Variants in TMEM38B observed in about 807,000 individuals in gnomAD.
TMEM38B encodes the protein trimeric intracellular cation channel type B.
Under a neutral mutation model 28.7 loss-of-function variants are expected in TMEM38B, and 24 were observed. That is an observed-to-expected ratio of 0.84 (90% CI 0.61 to 1.18). TMEM38B has a LOEUF of 1.18. TMEM38B is among the 50% of genes most tolerant of loss of function. The pLI is 0.00. For synonymous variants in TMEM38B, 131 were observed against 127.7 expected, an observed-to-expected ratio of 1.03 and a Z score of -0.17; for missense variants, 380 against 350.9, an observed-to-expected ratio of 1.08 and a Z score of -0.66.
At chr9:105,729,986 A>G (rs939154966) in intron 4 of TMEM38B, among the ~76,000 whole-genome samples, 16 of 152,178 alleles carry the variant, frequency 1.1e-4, no homozygotes, top group Admixed American at 3.3e-4. Flanking sequence ...GGCTGAGACG[A>G]TGGGGTTTTC....
At chr9:105,713,789 C>T (rs1355949139) in intron 2 of TMEM38B, among the ~76,000 whole-genome samples, 1 of 152,198 alleles carries the variant, frequency 6.6e-6, no homozygotes, top group Admixed American at 6.5e-5. Context: ...CATGGCTTCC[C>T]ATGGCTGCTC....
chr9:105,730,032 A>G (rs546238384), intron 4 of TMEM38B, among the ~76,000 whole-genome samples: 21 of 152,184 alleles, frequency 1.4e-4, no homozygotes, highest in Non-Finnish European at 1.6e-4. Flanking sequence ...AACAGAGACA[A>G]TTTGAATTCC....
At chr9:105,746,292 C>T (rs1313463274) in intron 4 of TMEM38B, among the ~76,000 whole-genome samples, 7 of 152,298 alleles carry the variant, frequency 4.6e-5, no homozygotes, top group Non-Finnish European at 5.9e-5. Context: ...AGGTCCTTCA[C>T]ATCCCTTATA....
intron 5 of TMEM38B, among the ~76,000 whole-genome samples, chr9:105,764,705 CTT>C (rs1341979440): frequency 6.6e-6 from 1 of 151,282 alleles, no homozygotes; most frequent in Non-Finnish European, 1.5e-5. Flanking sequence ...CTACCAATGA[CTT>C]TCTTCACAGA....
rs201869238 is a variant in TMEM38B at position 105,768,567 on chromosome 9, TAAC to T, written c.661-5295_661-5293del. Among the ~76,000 whole-genome samples the T allele has an allele frequency of 9.3e-3, 1,419 of 152,262 alleles. 15 individuals carry two copies. The highest frequency in any genetic ancestry group is 0.032 in the African/African-American group (1,326 of 41,550). On this transcript the variant is annotated intron_variant, in intron 5 of 5. Coordinates refer to ENST00000374692, the MANE Select transcript of TMEM38B (RefSeq NM_018112.3). The stretch of plus-strand genomic sequence containing the variant: ...ATTTTCTTTAAAGGAAGGTTTTTGA[TAAC>T]AATTTCTTACATAGATATAGGGCTA...
chr9:105,728,442 A>G (rs1011564068), intron 4 of TMEM38B, among the ~76,000 whole-genome samples: 28 of 152,298 alleles, frequency 1.8e-4, no homozygotes, highest in African/African-American at 6.5e-4. Context: ...TTATGGCTGC[A>G]TAATATTCCA....
intron 1 of TMEM38B, among the ~76,000 whole-genome samples, chr9:105,697,841 A>G (rs546644475): frequency 1.0e-3 from 155 of 152,256 alleles, no homozygotes; most frequent in African/African-American, 3.5e-3. Context: ...TCTCAGGCCT[A>G]AGGTTATAAA....
chr9:105,716,717 CTT>C (rs1836113291), intron 2 of TMEM38B, among the ~76,000 whole-genome samples: 1 of 152,080 alleles, frequency 6.6e-6, no homozygotes, highest in East Asian at 1.9e-4. Flanking sequence ...TCAGCCTACT[CTT>C]TGTGAAGATG....
intron 2 of TMEM38B, among the ~76,000 whole-genome samples, chr9:105,707,902 T>G (rs1051551405): frequency 6.6e-6 from 1 of 152,232 alleles, no homozygotes; most frequent in Non-Finnish European, 1.5e-5. Flanking sequence ...CAAAGACTTT[T>G]ATTTCTATAA....
chr9:105,736,775 C>T (rs139009283), intron 4 of TMEM38B, among the ~76,000 whole-genome samples: 477 of 152,328 alleles, frequency 3.1e-3, no homozygotes, highest in South Asian at 5.6e-3. Flanking sequence ...AAGGCTTTCA[C>T]CTGTGTGTAC....
At chr9:105,717,645 A>T (rs1165745404) in intron 2 of TMEM38B, among the ~76,000 whole-genome samples, 1 of 136,416 alleles carries the variant, frequency 7.3e-6, no homozygotes, top group Admixed American at 7.4e-5. Flanking sequence ...GGATATAAAC[A>T]TATGCTAAAA....
chr9:105,753,380 C>T (rs899300449), intron 5 of TMEM38B, among the ~76,000 whole-genome samples: 2 of 151,656 alleles, frequency 1.3e-5, no homozygotes, highest in African/African-American at 2.4e-5. Flanking sequence ...TCTCCAAGGT[C>T]GAAATGAAAG....
chr9:105,756,455 T>TC (rs1223835755), intron 5 of TMEM38B, among the ~76,000 whole-genome samples: 1 of 152,196 alleles, frequency 6.6e-6, no homozygotes, highest in Non-Finnish European at 1.5e-5. Flanking sequence ...TTTCTTCTAC[T>TC]CCTAGTTTGC....
chr9:105,766,055 C>A (rs1233966367), intron 5 of TMEM38B, among the ~76,000 whole-genome samples: 1 of 152,194 alleles, frequency 6.6e-6, no homozygotes, highest in Non-Finnish European at 1.5e-5. Context: ...CCTGCCTCGG[C>A]CTCCCAGTGC....
intron 5 of TMEM38B, chr9:105,758,656 C>A: frequency 1.3e-6 from 1 of 787,818 alleles, no homozygotes; most frequent in Non-Finnish European, 2.3e-6. Flanking sequence ...GCAACTTAGC[C>A]ATTTAAAACT....
chr9:105,733,258 C>T (rs573848302), intron 4 of TMEM38B, among the ~76,000 whole-genome samples: 2 of 152,094 alleles, frequency 1.3e-5, no homozygotes, highest in African/African-American at 4.8e-5. Context: ...GTCTGCTCAG[C>T]TCTGGGCCTC....
chr9:105,736,329 A>G (rs1226448888), intron 4 of TMEM38B, among the ~76,000 whole-genome samples: 1 of 151,700 alleles, frequency 6.6e-6, no homozygotes, highest in Non-Finnish European at 1.5e-5. Flanking sequence ...TGACTGGTTA[A>G]TTTCAAACAC....
At chr9:105,763,148 C>G (rs576706325) in intron 5 of TMEM38B, among the ~76,000 whole-genome samples, 2,271 of 150,752 alleles carry the variant, frequency 0.015, 72 homozygotes, top group African/African-American at 0.047. Flanking sequence ...ATTGTAGATT[C>G]TGGATATTAG....
intron 5 of TMEM38B, among the ~76,000 whole-genome samples, chr9:105,764,171 C>G (rs1184420404): frequency 1.4e-4 from 21 of 151,468 alleles, no homozygotes; most frequent in African/African-American, 7.3e-5. Flanking sequence ...AAAACTGGCA[C>G]AAGACAGGGA....
Sources: gnomAD v4.1 joint callset for allele counts (sites outside exome capture counted in the v4.1 genomes callset) on GRCh38, gnomAD v4.1.1 for gene constraint, MANE v1.5 for transcripts, NCBI Gene and HGNC (gene_info 2026-07-23, HGNC 2026-07-21) for gene names.